Variants in FBXO31 observed in about 807,000 individuals in gnomAD.
The protein encoded by FBXO31 is F-box protein 31, also known as F-box only protein 31.
In FBXO31, 24 loss-of-function variants were observed where a neutral mutation model predicts 54.4. The observed-to-expected ratio is 0.44, with a 90% confidence interval of 0.32 to 0.62. The LOEUF (loss-of-function observed/expected upper bound fraction) is 0.62. Among genes scored for constraint, FBXO31 ranks in the 20% least tolerant of loss-of-function variants. FBXO31 has a pLI of 0.05. For synonymous variants in FBXO31, 388 were observed against 335.6 expected (o/e 1.16, Z -1.71); for missense variants, 665 against 787.1 (o/e 0.84, Z 1.86).
rs752289082 is a variant in FBXO31 at position 87,360,282 on chromosome 16, T to C, written c.412+13A>G. On this transcript the variant is annotated intron_variant, in intron 2 of 8. Transcript: ENST00000311635. ...AAAGTTAATCATGGATGGTAACAAA[T>C]AGATTCACTCACGCTTCGCATAGAC... 1.4e-5 allele frequency: 23 copies of C among 1,612,516 alleles called. No individual in the cohort carries two copies. Among genetic ancestry groups the C allele is most frequent in the Middle Eastern group, 1.7e-4 (1 of 6,060 alleles).
chr16:87,333,108 C>T (rs1433109302), intron 8 of FBXO31, among the ~76,000 whole-genome samples: 1 of 152,246 alleles, frequency 6.6e-6, no homozygotes, highest in African/African-American at 2.4e-5. Context: ...CGGGGCAGGG[C>T]CTTGTTCATC....
intron 1 of FBXO31, among the ~76,000 whole-genome samples, chr16:87,366,415 A>C (rs1302480686): frequency 6.6e-6 from 1 of 152,094 alleles, no homozygotes; most frequent in African/African-American, 2.4e-5. Context: ...GGCAACACCC[A>C]CGGCTGTGGT....
At chr16:87,343,501 C>T in intron 4 of FBXO31, 97 bp downstream of exon 4, 41 of 1,424,182 alleles carry the variant, frequency 2.9e-5, no homozygotes, top group Non-Finnish European at 3.7e-5. Context: ...TCTGCTACAG[C>T]CCAGGTCTGC....
At chr16:87,383,873 G>A (rs1277889526), upstream of FBXO31, 1 of 639,552 alleles carries the variant, frequency 1.6e-6, no homozygotes, top group African/African-American at 2.0e-5. This position sits in a 1 kb window ranked among gnomAD's most constrained non-coding sequence, Gnocchi z 4.9. Context: ...CCGCCCCTAC[G>A]TAGAGCTCCG....
At chr16:87,368,245 G>A (rs914650699) in intron 1 of FBXO31, among the ~76,000 whole-genome samples, 3 of 152,206 alleles carry the variant, frequency 2.0e-5, no homozygotes, top group Non-Finnish European at 2.9e-5. Flanking sequence ...AAATGAACCA[G>A]AGGAGAATAA....
At chr16:87,382,377 T>C (rs1341654382) in intron 1 of FBXO31, among the ~76,000 whole-genome samples, 1 of 152,244 alleles carries the variant, frequency 6.6e-6, no homozygotes, top group African/African-American at 2.4e-5. Flanking sequence ...TTCCTTTTGC[T>C]GTTCTGCATC....
upstream of FBXO31, chr16:87,383,844 C>G (rs1029271909): frequency 1.0e-5 from 9 of 867,156 alleles, no homozygotes; most frequent in African/African-American, 1.8e-5. This position sits in a 1 kb window ranked among gnomAD's most constrained non-coding sequence, Gnocchi z 4.9. Context: ...GCTCGCCACG[C>G]CCCCTGGAGA....
At chr16:87,390,985 G>A (rs1370452494), upstream of FBXO31, among the ~76,000 whole-genome samples, 4 of 151,980 alleles carry the variant, frequency 2.6e-5, no homozygotes, top group Admixed American at 2.0e-4. Flanking sequence ...TAGAAGAAAG[G>A]CTTTTACAAA....
intron 4 of FBXO31, 81 bp downstream of exon 4, chr16:87,343,517 A>G (rs1275721711): frequency 6.7e-7 from 1 of 1,494,676 alleles, no homozygotes; most frequent in Non-Finnish European, 9.0e-7. Context: ...TCTGCAGCTG[A>G]GAATAGCACG....
intron 1 of FBXO31, chr16:87,367,800 G>C (rs1043629904): frequency 6.6e-5 from 10 of 152,200 alleles, no homozygotes; most frequent in African/African-American, 2.4e-4. Context: ...ATCCATTTGT[G>C]CTTGTTGTTT....
chr16:87,353,362 G>A (rs1238249861), intron 2 of FBXO31, among the ~76,000 whole-genome samples: 5 of 152,250 alleles, frequency 3.3e-5, no homozygotes, highest in African/African-American at 9.6e-5. Flanking sequence ...TGTGGAGGCT[G>A]GGCTGAGTGG....
chr16:87,341,141 T>C (rs917824994), intron 5 of FBXO31, among the ~76,000 whole-genome samples: 1 of 152,174 alleles, frequency 6.6e-6, no homozygotes, highest in Non-Finnish European at 1.5e-5. Context: ...CCTGGGTGTT[T>C]CTCTCATTTC....
chr16:87,357,125 G>C (rs1194970199), intron 2 of FBXO31, among the ~76,000 whole-genome samples: 1 of 151,964 alleles, frequency 6.6e-6, no homozygotes, highest in East Asian at 1.9e-4. Context: ...CACGCCTCTA[G>C]TCCCAGCTAC....
chr16:87,369,261 G>A (rs1295765124), intron 1 of FBXO31, among the ~76,000 whole-genome samples: 4 of 151,726 alleles, frequency 2.6e-5, no homozygotes, highest in East Asian at 1.9e-4. Flanking sequence ...CCTCCATATC[G>A]CCGTGCAGCC....
Position 87,336,156 on chromosome 16 carries a change from C to T in FBXO31, c.841G>A (p.Asp281Asn). The T allele has an allele frequency of 1.2e-6, 2 of 1,613,604 alleles. No homozygotes were observed. The highest frequency in any genetic ancestry group is 1.7e-6 in the Non-Finnish European group (2 of 1,179,512). Residue 281 changes from aspartate to asparagine, a missense_variant and splice_region_variant, in exon 6 of 9, where the codon GAC (aspartate) becomes AAC (asparagine). Physicochemically the swap from Asp to Asn is conservative, Grantham distance 23 (BLOSUM62 1). Coordinates refer to ENST00000311635, the MANE Select transcript of FBXO31 (RefSeq NM_024735.5). The surrounding 1 kb of genome is among the most constrained non-coding windows in gnomAD (Gnocchi z 6.5). ...LMKFIYTSQY[D>N]NCLTYRRIYL... ...GCACCGAGCAGGAGCCGCACTCACT[C>T]GTACTGACTGGTGTAGATGAACTTC...
At chr16:87,367,321 A>G (rs927656020) in intron 1 of FBXO31, 2 of 152,236 alleles carry the variant, frequency 1.3e-5, no homozygotes, top group Non-Finnish European at 2.9e-5. Flanking sequence ...CCCTCAGACC[A>G]GCTCAGTGGG....
intron 8 of FBXO31, among the ~76,000 whole-genome samples, chr16:87,332,333 C>G (rs995937742): frequency 6.6e-6 from 1 of 152,142 alleles, no homozygotes; most frequent in African/African-American, 2.4e-5. Context: ...CGGGAGCCCC[C>G]ATATTCAGCA....
At chr16:87,354,675 A>G (rs1443749938) in intron 2 of FBXO31, among the ~76,000 whole-genome samples, 1 of 151,966 alleles carries the variant, frequency 6.6e-6, no homozygotes, top group Admixed American at 6.6e-5. Flanking sequence ...AGGTCACAAA[A>G]CTACTCCACA....
chr16:87,388,105 C>A (rs868518496), upstream of FBXO31, among the ~76,000 whole-genome samples: 1 of 152,214 alleles, frequency 6.6e-6, no homozygotes, highest in African/African-American at 2.4e-5. Flanking sequence ...ATGGTGGAAC[C>A]TCAGCCCGTT....
Sources: gnomAD v4.1 joint callset for allele counts (sites outside exome capture counted in the v4.1 genomes callset) on GRCh38, gnomAD v4.1.1 for gene constraint, Gnocchi (gnomAD v3.1) non-coding constraint, MANE v1.5 for transcripts, NCBI Gene and HGNC (gene_info 2026-07-23, HGNC 2026-07-21) for gene names.